RIPOR3: variants seen among roughly 807,000 people sequenced by gnomAD.
RIPOR3 encodes the protein RIPOR family member 3.
In RIPOR3, 95 loss-of-function variants were observed where a neutral mutation model predicts 114.3. That is an observed-to-expected ratio of 0.83 (90% confidence interval 0.70 to 0.99). The LOEUF is 0.99. RIPOR3 is among the 50% of genes least tolerant of loss of function. The pLI is 0.00. For synonymous variants in RIPOR3, 575 were observed against 543.8 expected, an observed-to-expected ratio of 1.06 and a Z score of -0.80; for missense variants, 1,252 against 1,266.9, an observed-to-expected ratio of 0.99 and a Z score of 0.18.
intron 19 of RIPOR3, 59 bp downstream of exon 19, chr20:50,592,285 A>G: frequency 6.8e-7 from 1 of 1,465,498 alleles, no homozygotes; most frequent in South Asian, 1.5e-5. Flanking sequence ...TGAGAACACC[A>G]GCTTACCTAT....
chr20:50,597,446 G>T, intron 14 of RIPOR3, 134 bp downstream of exon 14: 2 of 1,294,540 alleles, frequency 1.5e-6, no homozygotes, highest in Non-Finnish European at 2.1e-6. Flanking sequence ...GGGGAAGGGT[G>T]CACGATAGAG....
chr20:50,588,291 C>A (rs1282412312), intron 20 of RIPOR3, among the ~76,000 whole-genome samples: 1 of 152,278 alleles, frequency 6.6e-6, no homozygotes, highest in Admixed American at 6.5e-5. Flanking sequence ...GCTGCTCCTG[C>A]AGGCCAAGGA....
At chr20:50,609,423 C>T (rs1388594284) in intron 7 of RIPOR3, 67 bp from the exon 8 acceptor site, 3 of 1,570,322 alleles carry the variant, frequency 1.9e-6, no homozygotes, top group African/African-American at 1.4e-5. Flanking sequence ...CTAACCATCC[C>T]TGCAGCCAGA....
At chr20:50,597,887 AC>A (rs777968007) in intron 13 of RIPOR3, among the ~76,000 whole-genome samples, 177 bp from the exon 14 acceptor site, 1 of 152,006 alleles carries the variant, frequency 6.6e-6, no homozygotes, top group Non-Finnish European at 1.5e-5. Context: ...TGGGCGTGTC[AC>A]CCCCCAAAGT....
intron 1 of RIPOR3, among the ~76,000 whole-genome samples, chr20:50,677,233 A>T (rs919398673): frequency 3.3e-5 from 5 of 152,080 alleles, no homozygotes; most frequent in South Asian, 2.1e-4. Context: ...TCCCATAGAT[A>T]GGTCATTTTC....
At chr20:50,663,094 CAAAA>C (rs35856275) in intron 1 of RIPOR3, among the ~76,000 whole-genome samples, 10 of 69,342 alleles carry the variant, frequency 1.4e-4, no homozygotes, top group Admixed American at 3.2e-4. Context: ...GAGACTGTCT[CAAAA>C]AAAAAAAAAA....
Position 50,608,379 on chromosome 20 carries a change from C to G in RIPOR3, c.956+10G>C. ...AGGCCTCCGCTCTCCCCAGGCTGGACGGGACTCACTTCCACTGCACCTCCA... is the reference window on the plus strand; with the variant it reads ...AGGCCTCCGCTCTCCCCAGGCTGGAGGGGACTCACTTCCACTGCACCTCCA... On this transcript the variant is annotated intron_variant, in intron 11 of 21. Coordinates refer to ENST00000327979, the MANE Select transcript of RIPOR3 (RefSeq NM_001290268.2). 4.3e-6 allele frequency: 7 copies of G among 1,613,708 alleles called. No homozygotes were observed. Among genetic ancestry groups the G allele is most frequent in the Non-Finnish European group, 5.9e-6 (7 of 1,179,850 alleles).
intron 12 of RIPOR3, among the ~76,000 whole-genome samples, 183 bp downstream of exon 12, chr20:50,604,462 G>T (rs773565055): frequency 6.6e-6 from 1 of 152,218 alleles, no homozygotes; most frequent in Non-Finnish European, 1.5e-5. Flanking sequence ...CAGAACCCAG[G>T]CTAGGTTGGA....
At chr20:50,681,224 C>CAAAAAAAAAAAAAAAAAAA (rs752151661) in intron 1 of RIPOR3, among the ~76,000 whole-genome samples, 1 of 47,750 alleles carries the variant, frequency 2.1e-5, no homozygotes, top group African/African-American at 7.7e-5. Flanking sequence ...AACTCTGTCT[C>CAAAAAAAAAAAAAAAAAAA]AAAAAAAAAA....
rs765365584 is a variant in RIPOR3, at chr20:50,620,111, G to T, written c.144C>A (p.Ser48=). The change falls in exon 3 of 22, where the codon TCC becomes TCA. Residue 48 remains serine, a synonymous_variant. Coordinates refer to ENST00000327979, the MANE Select transcript of RIPOR3 (RefSeq NM_001290268.2). ...ATTTTGCAGGCATTCGCGATCTCAC[G>T]GAGTTCCTGTTGATGGACTTTCTGT... ...RRIAKSINRN[S]VRSRMPAKSS... is the part of the protein sequence containing the mutation. 5.6e-6 allele frequency: 9 copies of T among 1,613,934 alleles called. No individual in the cohort carries two copies. Among genetic ancestry groups the T allele is most frequent in the South Asian group, 2.2e-5 (2 of 91,080 alleles).
chr20:50,672,576 G>A (rs770471084), intron 1 of RIPOR3, among the ~76,000 whole-genome samples: 4 of 152,180 alleles, frequency 2.6e-5, no homozygotes, highest in Non-Finnish European at 2.9e-5. Context: ...TGGGAAGGCC[G>A]CGGCCAGCTG....
chr20:50,616,882 C>T (rs544527777), intron 3 of RIPOR3, among the ~76,000 whole-genome samples: 1 of 152,292 alleles, frequency 6.6e-6, no homozygotes, highest in Non-Finnish European at 1.5e-5. Flanking sequence ...GTGGCTGACG[C>T]CTGTAATCCT....
chr20:50,592,601 C>T, intron 18 of RIPOR3, 55 bp from the exon 19 acceptor site: 1 of 1,386,470 alleles, frequency 7.2e-7, no homozygotes, highest in Non-Finnish European at 9.4e-7. Flanking sequence ...TTTGGCAGGA[C>T]AGCTGCAAGT....
Position 50,589,694 on chromosome 20 carries a change from G to A in RIPOR3, c.2653C>T (p.His885Tyr), listed in dbSNP as rs1235068013. 1.9e-6 allele frequency: 3 copies of A among 1,613,640 alleles called. No individual in the cohort carries two copies. The highest frequency in any genetic ancestry group is 2.7e-5 in the African/African-American group (2 of 74,932). ...GGAAACGTCAGGCTCACCTTGAGGT[G>A]TTTGAGCGCTAGGCATGCGGCCTGC... Reference protein sequence around the residue: ...LQQAACLALKHLKGIESIDQT... With the variant: ...LQQAACLALKYLKGIESIDQT... Residue 885 changes from histidine to tyrosine, a missense_variant, in exon 20 of 22, where the codon CAC (histidine) becomes TAC (tyrosine). His to Tyr is a moderately conservative substitution (Grantham distance 83). Coordinates refer to ENST00000327979, the MANE Select transcript of RIPOR3 (RefSeq NM_001290268.2).
intron 1 of RIPOR3, among the ~76,000 whole-genome samples, chr20:50,634,159 C>A (rs1178777541): frequency 6.6e-6 from 1 of 151,594 alleles, no homozygotes; most frequent in African/African-American, 2.4e-5. Context: ...TTTTTGTATT[C>A]ATTGTAGAGA....
intron 1 of RIPOR3, chr20:50,662,302 T>C (rs1197900600): frequency 4.6e-5 from 7 of 152,270 alleles, no homozygotes; most frequent in Non-Finnish European, 1.5e-5. Flanking sequence ...ATTGGCCACA[T>C]TGGTGAAATT....
chr20:50,666,181 C>CCTTTTCTTTTCTTTT (rs1600720832), intron 1 of RIPOR3, among the ~76,000 whole-genome samples: 3 of 14,964 alleles, frequency 2.0e-4, no homozygotes, highest in African/African-American at 2.7e-4. Context: ...GAAAGGACAC[C>CCTTTTCTTTTCTTTT]CATTTCTTTT....
chr20:50,586,980 A>G lies in RIPOR3; in HGVS notation c.*252T>C, dbSNP rs1190584789. On this transcript the variant is annotated 3_prime_UTR_variant, in exon 22 of 22. Coordinates refer to ENST00000327979, the MANE Select transcript of RIPOR3 (RefSeq NM_001290268.2). ...GGGAAGGTCACACAGACCCTCAGCC[A>G]GAAGTTGAGCGCTCTGTTGAGGCCG... 2.2e-6 allele frequency: 1 copy of G among 446,984 alleles called. No individual in the cohort carries two copies. The highest frequency in any genetic ancestry group is 4.1e-6 in the Non-Finnish European group (1 of 246,168). The allele number at this position is 446,984 out of a possible 1,614,324, so 27.7% of individuals were successfully genotyped here. A position where few individuals can be genotyped will look rare whatever the true frequency, so the allele number is the denominator to read the frequency against.
chr20:50,610,907 C>T lies in RIPOR3; in HGVS notation c.373-1G>A. ...TGTGCCTTTCCACACAGCGCGTTTG[C>T]TTCTCCCGGAAAAAGGGAAGATGTT... On this transcript the variant is annotated splice_acceptor_variant, in intron 5 of 21. Transcript: ENST00000327979. LOFTEE classifies it high-confidence loss of function. The T allele has an allele frequency of 6.2e-7, 1 of 1,614,222 alleles. No homozygotes were observed. Among genetic ancestry groups the T allele is most frequent in the Non-Finnish European group, 8.5e-7 (1 of 1,180,038 alleles).
Sources: gnomAD v4.1 joint callset for allele counts (sites outside exome capture counted in the v4.1 genomes callset) on GRCh38, gnomAD v4.1.1 for gene constraint, MANE v1.5 for transcripts, NCBI Gene and HGNC (gene_info 2026-07-23, HGNC 2026-07-21) for gene names.